Variants in SAMD5 observed in about 807,000 individuals in gnomAD.
SAMD5 encodes sterile alpha motif domain-containing protein 5.
SAMD5 carries 13 observed loss-of-function variants against 11.3 expected under a neutral mutation model. The observed-to-expected ratio is 1.15, with a 90% CI of 0.75 to 1.83. The LOEUF (loss-of-function observed/expected upper bound fraction) is 1.83, where lower values mean the gene tolerates loss of function less well. Ranked by LOEUF, SAMD5 falls within the 40% of genes most tolerant of loss-of-function variation. SAMD5 has a pLI of 0.00. For missense variants in SAMD5, 255 were observed against 239.1 expected (o/e 1.07, Z -0.44); for synonymous variants, 129 against 111.3 (o/e 1.16, Z -1.00).
the SAMD5 span, among the ~76,000 whole-genome samples, chr6:147,789,932 C>T: frequency 1.9e-3 from 286 of 152,286 alleles, 3 homozygotes; most frequent in Non-Finnish European, 2.5e-3. Context: ...AAAAGCCTGA[C>T]GATACTAATC....
At chr6:147,753,548 T>C in the SAMD5 span, among the ~76,000 whole-genome samples, 3 of 152,190 alleles carry the variant, frequency 2.0e-5, no homozygotes, top group Non-Finnish European at 4.4e-5. Flanking sequence ...GTATTTATCC[T>C]TTGAGTTACA....
chr6:147,811,458 A>G, the SAMD5 span, among the ~76,000 whole-genome samples: 9 of 152,170 alleles, frequency 5.9e-5, no homozygotes, highest in Non-Finnish European at 1.2e-4. Flanking sequence ...TCCTTAGGCA[A>G]TGTGGACCCA....
intron 1 of SAMD5, among the ~76,000 whole-genome samples, chr6:147,609,369 A>C (rs1789748095): frequency 6.6e-6 from 1 of 152,034 alleles, no homozygotes; most frequent in Non-Finnish European, 1.5e-5. Context: ...GAAGGAGCCA[A>C]CTCTGCCAAC....
At chr6:147,647,097 G>T (rs1383405841) in intron 1 of SAMD5, among the ~76,000 whole-genome samples, 1 of 151,932 alleles carries the variant, frequency 6.6e-6, no homozygotes, top group African/African-American at 2.4e-5. Flanking sequence ...AACCTGGGAG[G>T]TGGAGGTTGC....
At chr6:147,592,717 G>A (rs576325697) in intron 1 of SAMD5, among the ~76,000 whole-genome samples, 14 of 152,038 alleles carry the variant, frequency 9.2e-5, no homozygotes, top group Admixed American at 5.2e-4. Context: ...CTGCTCTTCC[G>A]TAAAACAGAT....
intron 1 of SAMD5, among the ~76,000 whole-genome samples, chr6:147,511,538 C>G (rs998334430): frequency 5.9e-5 from 9 of 151,914 alleles, no homozygotes; most frequent in South Asian, 2.1e-4. Flanking sequence ...ACTTTCTATA[C>G]ATATTTAATT....
At chr6:147,559,433 C>T (rs1039087736) in intron 1 of SAMD5, among the ~76,000 whole-genome samples, 12 of 152,064 alleles carry the variant, frequency 7.9e-5, no homozygotes, top group African/African-American at 2.9e-4. Context: ...GGAAAATGTC[C>T]AGCCAGCCTC....
chr6:147,752,580 G>A, the SAMD5 span, among the ~76,000 whole-genome samples: 1 of 152,152 alleles, frequency 6.6e-6, no homozygotes, highest in Admixed American at 6.5e-5. Flanking sequence ...ATGACAGTTT[G>A]TGTGTACTCA....
the SAMD5 span, among the ~76,000 whole-genome samples, chr6:147,860,220 C>T: frequency 3.3e-5 from 5 of 152,190 alleles, no homozygotes; most frequent in Non-Finnish European, 7.3e-5. Flanking sequence ...TCCGCATGGA[C>T]TGTCACATGG....
At chr6:147,639,758 A>C (rs1790282395) in intron 1 of SAMD5, among the ~76,000 whole-genome samples, 1 of 152,210 alleles carries the variant, frequency 6.6e-6, no homozygotes, top group South Asian at 2.1e-4. Flanking sequence ...ATGAGATAAG[A>C]GTTATTCAGA....
intron 1 of SAMD5, among the ~76,000 whole-genome samples, chr6:147,596,512 C>T (rs1294220789): frequency 2.0e-5 from 3 of 150,772 alleles, no homozygotes. Flanking sequence ...TCATTCTCTA[C>T]AAATATATTT....
At chr6:147,690,506 G>A (rs1007082366) in intron 1 of SAMD5, among the ~76,000 whole-genome samples, 4 of 152,034 alleles carry the variant, frequency 2.6e-5, no homozygotes, top group African/African-American at 9.7e-5. Context: ...AAAATTAGCC[G>A]GGCGTGGTGG....
At chr6:147,623,952 C>T (rs1251336606) in intron 1 of SAMD5, among the ~76,000 whole-genome samples, 1 of 152,164 alleles carries the variant, frequency 6.6e-6, no homozygotes, top group Non-Finnish European at 1.5e-5. Context: ...TCACTGCAAC[C>T]TCTGCCTCCC....
intron 1 of SAMD5, among the ~76,000 whole-genome samples, chr6:147,660,004 T>C (rs1583128275): frequency 6.6e-6 from 1 of 152,172 alleles, no homozygotes; most frequent in East Asian, 1.9e-4. Context: ...GCAATCACGA[T>C]GCTATTAGGA....
chr6:147,943,968 G>GGA, the SAMD5 span, among the ~76,000 whole-genome samples: 17 of 152,226 alleles, frequency 1.1e-4, no homozygotes, highest in East Asian at 3.1e-3. Context: ...TGGACCAAGG[G>GGA]CACCAGGGCT....
chr6:147,542,296 A>G (rs1319142201), intron 1 of SAMD5, among the ~76,000 whole-genome samples: 2 of 152,200 alleles, frequency 1.3e-5, no homozygotes, highest in Non-Finnish European at 2.9e-5. Flanking sequence ...AACCAGGGGC[A>G]GGTAGCCACA....
intron 1 of SAMD5, among the ~76,000 whole-genome samples, chr6:147,629,138 G>A (rs1961528): frequency 0.48 from 72,133 of 150,836 alleles, 17,617 homozygotes; most frequent in Middle Eastern, 0.57. Context: ...TAAAAATACA[G>A]AAAACAAACA....
the SAMD5 span, among the ~76,000 whole-genome samples, chr6:147,828,078 G>T: frequency 9.5e-4 from 145 of 152,126 alleles, no homozygotes; most frequent in Non-Finnish European, 1.0e-3. Flanking sequence ...GAGCCACCGC[G>T]CCAGGCCCAA....
intron 1 of SAMD5, among the ~76,000 whole-genome samples, chr6:147,552,655 A>C (rs763145526): frequency 6.6e-6 from 1 of 152,240 alleles, no homozygotes; most frequent in Non-Finnish European, 1.5e-5. Flanking sequence ...GCAGGAAAAT[A>C]AGAAAAGCCT....
Sources: allele counts gnomAD v4.1 joint callset (sites outside exome capture counted in the v4.1 genomes callset), GRCh38; gene constraint gnomAD v4.1.1; transcripts MANE v1.5; gene names NCBI Gene and HGNC (gene_info 2026-07-23, HGNC 2026-07-21).